Variants in SETD3 observed in about 807,000 individuals in gnomAD.
SETD3 encodes actin-histidine N-methyltransferase.
Under a neutral mutation model 63.0 loss-of-function variants are expected in SETD3, and 19 were observed. The observed-to-expected ratio is 0.30, with a 90% CI of 0.21 to 0.44. The LOEUF (loss-of-function observed/expected upper bound fraction) is 0.44. SETD3 is among the 20% of genes least tolerant of loss of function. The pLI is 1.00. For missense variants in SETD3, 587 were observed against 728.5 expected, an observed-to-expected ratio of 0.81 and a Z score of 2.24; for synonymous variants, 286 against 264.1, an observed-to-expected ratio of 1.08 and a Z score of -0.80.
intron 7 of SETD3, chr14:99,413,356 A>G (rs1892111575): frequency 3.1e-6 from 1 of 323,776 alleles, no homozygotes; most frequent in African/African-American, 2.2e-5. Context: ...GTGACTCACA[A>G]AATCCACTCC....
At chr14:99,447,378 A>G (rs1022085671) in intron 6 of SETD3, among the ~76,000 whole-genome samples, 2 of 152,410 alleles carry the variant, frequency 1.3e-5, no homozygotes, top group East Asian at 3.8e-4. Flanking sequence ...CATGTGATCT[A>G]TAACATTTAC....
chr14:99,408,897 A>C (rs562883759), intron 8 of SETD3, among the ~76,000 whole-genome samples: 4 of 152,054 alleles, frequency 2.6e-5, no homozygotes, highest in African/African-American at 9.6e-5. Flanking sequence ...CTCAGAGCAG[A>C]GCCCTCCCAG....
At chr14:99,410,149 G>T (rs113768139) in intron 8 of SETD3, 7 of 1,581,978 alleles carry the variant, frequency 4.4e-6, no homozygotes, top group South Asian at 1.1e-5. Flanking sequence ...AGTGAGTCCC[G>T]TAAGTGCCTA....
At chr14:99,483,708 G>T (rs185860564), upstream of SETD3, among the ~76,000 whole-genome samples, 1 of 152,332 alleles carries the variant, frequency 6.6e-6, no homozygotes, top group East Asian at 1.9e-4. Context: ...AGTTAAATGT[G>T]CATTGGATAA....
intron 6 of SETD3, among the ~76,000 whole-genome samples, chr14:99,443,329 CA>C (rs1893943569): frequency 7.6e-6 from 1 of 131,280 alleles, no homozygotes; most frequent in African/African-American, 3.0e-5. Context: ...GCACTCAGTT[CA>C]AACCTCCGCC....
intron 3 of SETD3, among the ~76,000 whole-genome samples, chr14:99,462,057 G>T (rs905038585): frequency 6.6e-6 from 1 of 152,122 alleles, no homozygotes; most frequent in Non-Finnish European, 1.5e-5. Context: ...GGAATGGAAG[G>T]GGATGAAAAT....
intron 1 of SETD3, among the ~76,000 whole-genome samples, chr14:99,480,304 G>C (rs1282522487): frequency 6.6e-6 from 1 of 152,082 alleles, no homozygotes; most frequent in East Asian, 1.9e-4. Context: ...GCCGACTAGC[G>C]CGAGGGGCCC....
chr14:99,444,639 G>A (rs765275389), intron 6 of SETD3, among the ~76,000 whole-genome samples: 1 of 152,060 alleles, frequency 6.6e-6, no homozygotes, highest in African/African-American at 2.4e-5. Context: ...CGGGTGGATC[G>A]CTTGAGCTCA....
chr14:99,418,860 T>A (rs1307473930), intron 6 of SETD3, among the ~76,000 whole-genome samples: 1 of 152,168 alleles, frequency 6.6e-6, no homozygotes, highest in South Asian at 2.1e-4. Flanking sequence ...ATGGAAAAGA[T>A]GGCAGGCAGG....
At chr14:99,432,270 C>T (rs1248590571) in intron 6 of SETD3, among the ~76,000 whole-genome samples, 2 of 152,168 alleles carry the variant, frequency 1.3e-5, no homozygotes, top group Non-Finnish European at 2.9e-5. Flanking sequence ...AAATTAACAG[C>T]ATGCTTTAGA....
intron 6 of SETD3, among the ~76,000 whole-genome samples, chr14:99,452,470 C>T (rs11845489): frequency 0.022 from 3,373 of 152,272 alleles, 118 homozygotes; most frequent in African/African-American, 0.076. Context: ...GAACTAAGTG[C>T]CCACACTAAA....
intron 1 of SETD3, among the ~76,000 whole-genome samples, chr14:99,469,062 T>TA (rs1895552022): frequency 6.6e-6 from 1 of 152,218 alleles, no homozygotes; most frequent in Non-Finnish European, 1.5e-5. Context: ...GACAGACCAT[T>TA]AAAAATATGG....
At chr14:99,414,421 T>C (rs934152466) in intron 6 of SETD3, among the ~76,000 whole-genome samples, 2 of 152,248 alleles carry the variant, frequency 1.3e-5, no homozygotes, top group Non-Finnish European at 2.9e-5. Context: ...TTCATTTCTC[T>C]CCGACTTAAG....
chr14:99,414,271 G>A (rs539062274), intron 6 of SETD3, among the ~76,000 whole-genome samples: 20 of 152,380 alleles, frequency 1.3e-4, no homozygotes, highest in Non-Finnish European at 2.4e-4. Context: ...AAGCAGAAAC[G>A]CAGAGCCGCC....
At chr14:99,448,745 G>A (rs964614525) in intron 6 of SETD3, among the ~76,000 whole-genome samples, 1 of 152,134 alleles carries the variant, frequency 6.6e-6, no homozygotes, top group Non-Finnish European at 1.5e-5. Flanking sequence ...CATGAAGTTG[G>A]CTGAGAACAA....
upstream of SETD3, among the ~76,000 whole-genome samples, chr14:99,484,779 A>G (rs933931039): frequency 2.6e-5 from 4 of 152,230 alleles, no homozygotes; most frequent in Admixed American, 6.5e-5. Flanking sequence ...TATTACTAAG[A>G]GGGGATTTCG....
chr14:99,423,051 G>T (rs8015827), intron 6 of SETD3, among the ~76,000 whole-genome samples: 63,600 of 151,908 alleles, frequency 0.42, 13,815 homozygotes, highest in East Asian at 0.56. Context: ...CGCTCAAAGA[G>T]TGTTCAAAAG....
chr14:99,441,735 C>T (rs545065713), intron 6 of SETD3, among the ~76,000 whole-genome samples: 2 of 152,286 alleles, frequency 1.3e-5, no homozygotes, highest in East Asian at 3.9e-4. Flanking sequence ...GAAGCAGCCC[C>T]TGATGAGGCC....
At chr14:99,441,057 G>A (rs189343393) in intron 6 of SETD3, among the ~76,000 whole-genome samples, 70 of 152,330 alleles carry the variant, frequency 4.6e-4, no homozygotes, top group African/African-American at 1.6e-3. Flanking sequence ...CTAAGCTGCT[G>A]TAGACTCCTC....
Sources: allele counts gnomAD v4.1 joint callset (sites outside exome capture counted in the v4.1 genomes callset), GRCh38; gene constraint gnomAD v4.1.1; transcripts MANE v1.5; gene names NCBI Gene and HGNC (gene_info 2026-07-23, HGNC 2026-07-21).